Variants in PRDM5 observed in about 807,000 individuals in gnomAD.
PRDM5 encodes PR domain zinc finger protein 5.
PRDM5 carries 56 observed loss-of-function variants against 81.2 expected under a neutral mutation model. That is an observed-to-expected ratio of 0.69 (90% confidence interval 0.56 to 0.86). The LOEUF (loss-of-function observed/expected upper bound fraction) is 0.86, where lower values mean the gene tolerates loss of function less well. Ranked by LOEUF, PRDM5 falls within the 40% of genes least tolerant of loss-of-function variation. The pLI is 0.00. For missense variants in PRDM5, 697 were observed against 770.1 expected (o/e 0.91, Z 1.12); for synonymous variants, 267 against 256.4 (o/e 1.04, Z -0.39).
chr4:120,692,860 T>C lies in PRDM5; in HGVS notation c.*2251A>G, dbSNP rs1415110397. The C allele has an allele frequency of 6.6e-6, 1 of 152,088 alleles. No individual in the cohort carries two copies. The highest frequency in any genetic ancestry group is 1.5e-5 in the Non-Finnish European group (1 of 68,000). The allele number at this position is 152,088 out of a possible 1,614,324, so 9.4% of individuals were successfully genotyped here. On this transcript the variant is annotated 3_prime_UTR_variant, in exon 16 of 16. Transcript: ENST00000264808. ...TTGATCAATCATGCCTAAAATAGTG[T>C]CTTTTTTTGGTTATTACTAAGTAAT...
chr4:120,917,004 A>C (rs1224749833), intron 1 of PRDM5, among the ~76,000 whole-genome samples: 1 of 152,222 alleles, frequency 6.6e-6, no homozygotes, highest in African/African-American at 2.4e-5. Flanking sequence ...TGATAAACTT[A>C]TGTCACTCCT....
intron 2 of PRDM5, among the ~76,000 whole-genome samples, chr4:120,899,132 GCTGATTA>G (rs72220788): frequency 0.066 from 10,041 of 152,008 alleles, 463 homozygotes; most frequent in Middle Eastern, 0.19. Context: ...CCTCTCTTCA[GCTGATTA>G]CTGAGACCCT....
chr4:120,734,236 G>C (rs1025627527), intron 14 of PRDM5, among the ~76,000 whole-genome samples: 13 of 150,588 alleles, frequency 8.6e-5, no homozygotes, highest in African/African-American at 3.2e-4. Context: ...TAGGGGATGG[G>C]GGAGGGCTTT....
intron 2 of PRDM5, among the ~76,000 whole-genome samples, chr4:120,880,750 C>A (rs1049182632): frequency 6.6e-6 from 1 of 151,992 alleles, no homozygotes. Flanking sequence ...AAATAGAGTA[C>A]CAAAAAATCA....
At chr4:120,801,797 T>C (rs1176307040) in intron 8 of PRDM5, among the ~76,000 whole-genome samples, 2 of 152,158 alleles carry the variant, frequency 1.3e-5, no homozygotes, top group African/African-American at 4.8e-5. Flanking sequence ...ACACCTATGT[T>C]TGAGGACCAA....
At chr4:120,725,432 T>G (rs1259658397) in intron 14 of PRDM5, among the ~76,000 whole-genome samples, 2 of 152,286 alleles carry the variant, frequency 1.3e-5, no homozygotes, top group Admixed American at 1.3e-4. Context: ...CAAAATAAAA[T>G]GACCCTACTG....
At chr4:120,842,658 CTA>C (rs1355916325) in intron 3 of PRDM5, among the ~76,000 whole-genome samples, 1 of 152,186 alleles carries the variant, frequency 6.6e-6, no homozygotes, top group Non-Finnish European at 1.5e-5. Flanking sequence ...TTCAAATTAA[CTA>C]TTTTTAAAAT....
At chr4:120,734,290 C>G (rs1255032048) in intron 14 of PRDM5, among the ~76,000 whole-genome samples, 1 of 151,588 alleles carries the variant, frequency 6.6e-6, no homozygotes, top group East Asian at 1.9e-4. Context: ...TTGATCAAAG[C>G]AATCTTTATA....
intron 13 of PRDM5, among the ~76,000 whole-genome samples, chr4:120,776,171 C>T (rs1748129349): frequency 6.6e-6 from 1 of 152,202 alleles, no homozygotes. Flanking sequence ...TATTCCACAG[C>T]TATCTGTTCT....
intron 14 of PRDM5, among the ~76,000 whole-genome samples, chr4:120,711,432 G>T (rs1366709355): frequency 6.6e-6 from 1 of 151,116 alleles, no homozygotes; most frequent in Non-Finnish European, 1.5e-5. Flanking sequence ...CTGAGTAGCT[G>T]GTACTACAGG....
At chr4:120,781,326 T>A (rs1305877943) in intron 11 of PRDM5, 23 bp from the exon 12 acceptor site, 1 of 1,604,994 alleles carries the variant, frequency 6.2e-7, no homozygotes, top group East Asian at 2.2e-5. Context: ...GAGAAACATT[T>A]AAGAAGCAAT....
chr4:120,709,015 T>C (rs1233373679), intron 15 of PRDM5, among the ~76,000 whole-genome samples: 2 of 151,660 alleles, frequency 1.3e-5, no homozygotes, highest in African/African-American at 4.8e-5. Context: ...TAGAAATAAA[T>C]GGGACGGAAG....
intron 7 of PRDM5, chr4:120,816,114 A>C (rs1373590116): frequency 3.3e-6 from 1 of 306,804 alleles, no homozygotes; most frequent in Non-Finnish European, 6.2e-6. Context: ...GATAAATTTT[A>C]ACAATTTATA....
At chr4:120,882,165 G>A (rs921442298) in intron 2 of PRDM5, among the ~76,000 whole-genome samples, 2 of 152,200 alleles carry the variant, frequency 1.3e-5, no homozygotes, top group East Asian at 1.9e-4. Flanking sequence ...ATGGTGCCAG[G>A]AGAGTGTGTC....
chr4:120,722,451 G>C (rs1237201303), intron 14 of PRDM5, among the ~76,000 whole-genome samples: 1 of 151,868 alleles, frequency 6.6e-6, no homozygotes, highest in Non-Finnish European at 1.5e-5. Context: ...GCTTGGTTAA[G>C]CACCCTGGAG....
Position 120,818,677 on chromosome 4 carries a change from T to G in PRDM5, c.476-150A>C, listed in dbSNP as rs343190. ...TTATCACTATAAATATTAATAGTAT[T>G]TGGCCACAAAAAAATAATAGCAAGT... On this transcript the variant is annotated intron_variant, in intron 4 of 15. Transcript: ENST00000264808. The G allele has an allele frequency of 0.29, 192,292 of 673,444 alleles. 30,019 individuals are homozygous for G. Among genetic ancestry groups the G allele is most frequent in the East Asian group, 0.36 (13,015 of 35,894 alleles). 41.7% of individuals were successfully genotyped at this position (673,444 alleles called of 1,614,324 possible). A position where few individuals can be genotyped will look rare whatever the true frequency, so the allele number is the denominator to read the frequency against.
intron 15 of PRDM5, among the ~76,000 whole-genome samples, chr4:120,697,192 C>T (rs1578565315): frequency 6.6e-6 from 1 of 152,206 alleles, no homozygotes; most frequent in Admixed American, 6.5e-5. Flanking sequence ...CAAAAAATAA[C>T]ACATACACAA....
At chr4:120,872,836 A>AG (rs1381319721) in intron 2 of PRDM5, among the ~76,000 whole-genome samples, 1 of 152,062 alleles carries the variant, frequency 6.6e-6, no homozygotes, top group Non-Finnish European at 1.5e-5. Context: ...GGTAGTGGGG[A>AG]GGTGAGATGT....
intron 2 of PRDM5, among the ~76,000 whole-genome samples, chr4:120,871,766 CAAAA>C (rs139374666): frequency 7.3e-6 from 1 of 137,694 alleles, no homozygotes. Context: ...GCTACTGTTT[CAAAA>C]AAAAAAAAAA....
Sources: allele counts gnomAD v4.1 joint callset (sites outside exome capture counted in the v4.1 genomes callset), GRCh38; gene constraint gnomAD v4.1.1; transcripts MANE v1.5; gene names NCBI Gene and HGNC (gene_info 2026-07-23, HGNC 2026-07-21).